CDC42BPG: variants seen among roughly 807,000 people sequenced by gnomAD.
CDC42BPG encodes the protein serine/threonine-protein kinase MRCK gamma.
In CDC42BPG, 157 loss-of-function variants were observed where a neutral mutation model predicts 192.2. That is an observed-to-expected ratio of 0.82 (90% confidence interval 0.72 to 0.93). The LOEUF is 0.93. Among genes scored for constraint, CDC42BPG ranks in the 40% least tolerant of loss-of-function variants. CDC42BPG has a pLI of 0.00. For missense variants in CDC42BPG, 1,992 were observed against 2,122.1 expected, an observed-to-expected ratio of 0.94 and a Z score of 1.20; for synonymous variants, 981 against 918.5, an observed-to-expected ratio of 1.07 and a Z score of -1.23.
chr11:64,836,705 C>CCGGCG lies in CDC42BPG; in HGVS notation c.1384+33_1384+34insCGCCG, dbSNP rs1192864769. The CCGGCG allele has an allele frequency of 1.4e-5, 5 of 353,522 alleles. 1 individual carries two copies. The African/African-American group carries it at 2.8e-4, about 20-fold the overall frequency. The allele number at this position is 353,522 out of a possible 1,614,324, so 21.9% of individuals were successfully genotyped here. ...ACCCGAGCCCAGGTGGGACTCAGCCCTGGGGGGGGGGGGGGGGTGGGCGGA... is the reference window on the plus strand; with the variant it reads ...ACCCGAGCCCAGGTGGGACTCAGCCCCGGCGTGGGGGGGGGGGGGGGGTGGGCGGA... On this transcript the variant is annotated intron_variant, in intron 11 of 36. Transcript: ENST00000342711.
chr11:64,835,010 C>T, intron 17 of CDC42BPG, 37 bp downstream of exon 17: 1 of 1,610,752 alleles, frequency 6.2e-7, no homozygotes, highest in Non-Finnish European at 8.5e-7. Context: ...CTCAGTCTCG[C>T]CTGCGTTCCC....
intron 1 of CDC42BPG, 50 bp from the exon 2 acceptor site, chr11:64,841,954 TCC>T: frequency 7.0e-7 from 1 of 1,434,008 alleles, no homozygotes; most frequent in Non-Finnish European, 9.6e-7. Flanking sequence ...AGGGCTCCAT[TCC>T]CCCTCTCACC....
intron 9 of CDC42BPG, 104 bp from the exon 10 acceptor site, chr11:64,837,123 C>A (rs917509325): frequency 3.4e-5 from 34 of 1,008,392 alleles, no homozygotes; most frequent in Middle Eastern, 4.8e-4. Flanking sequence ...ACAGCCAAAA[C>A]AGACCCTGCC....
chr11:64,827,573 G>A lies in CDC42BPG; in HGVS notation c.4104C>T (p.Tyr1368=). The A allele has an allele frequency of 4.3e-6, 7 of 1,612,418 alleles. No individual in the cohort carries two copies. Among genetic ancestry groups the A allele is most frequent in the East Asian group, 2.2e-5 (1 of 44,812 alleles). ...PLNPEGSLFL[Y]GTEKVRLTYL... Reference sequence around the variant, plus strand: ...AGGTCAGGCGGACCTTCTCGGTGCCGTAGAGGAACAGGGAGCCCTCTGGAT... The same window carrying A: ...AGGTCAGGCGGACCTTCTCGGTGCCATAGAGGAACAGGGAGCCCTCTGGAT... The change falls in exon 32 of 37, where the codon TAC becomes TAT. Residue 1368 remains tyrosine, a synonymous_variant. Transcript: ENST00000342711.
At position 64,844,548 on chromosome 11, in the gene CDC42BPG, G is replaced by T. The variant is rs896923456; in HGVS notation, c.22C>A (p.Leu8Met). 15 of 1,289,880 alleles carry T rather than the reference G, an allele frequency of 1.2e-5. No homozygotes were observed. Among genetic ancestry groups the T allele is most frequent in the Non-Finnish European group, 1.4e-5 (14 of 1,019,738 alleles). The allele number at this position is 1,289,880 out of a possible 1,614,324, so 79.9% of individuals were successfully genotyped here. The change falls in exon 1 of 37, where the codon CTG becomes ATG. Residue 8 changes from leucine to methionine, a missense_variant. By Grantham distance (15) the Leu-to-Met change is conservative. Around this residue, in one of 2 missense-constraint regions of CDC42BPG, gnomAD observed 1,656 missense variants for 1,844.3 expected, o/e 0.90. Coordinates refer to ENST00000342711, the MANE Select transcript of CDC42BPG (RefSeq NM_017525.3). MERRLRA[L>M]EQLARGEAGG... ...GCCTCGCCCCGCGCCAGCTGCTCCA[G>T]CGCGCGCAGCCGCCGCTCCATGGCT...
chr11:64,827,160 G>A lies in CDC42BPG; in HGVS notation c.4279C>T (p.Leu1427=), dbSNP rs1040672594. 3.1e-6 allele frequency: 5 copies of A among 1,613,882 alleles called. No homozygotes were observed. In the African/African-American group the frequency reaches 5.3e-5, roughly 17 times the overall value. ...EQQKQQRREM[L]KDPFVRSKLI... is the part of the protein sequence containing the mutation. ...TTGGAGCGCACAAAAGGGTCCTTCA[G>A]CATCTCCCTGTGGGCGGAGGTGTAA... is the stretch of plus-strand genomic sequence containing the variant. The change falls in exon 34 of 37, where the codon CTG becomes TTG. Residue 1427 remains leucine, a synonymous_variant. Coordinates refer to ENST00000342711, the MANE Select transcript of CDC42BPG (RefSeq NM_017525.3).
Position 64,836,757 on chromosome 11 carries a change from G to A in CDC42BPG, c.1366C>T (p.Leu456=). The A allele has an allele frequency of 2.7e-6, 4 of 1,467,310 alleles. No homozygotes were observed. In the East Asian group the frequency reaches 9.8e-5, roughly 36 times the overall value. The allele number at this position is 1,467,310 out of a possible 1,614,324, so 90.9% of individuals were successfully genotyped here. Residue 456 remains leucine (L), a synonymous_variant, in exon 11 of 37, where the codon CTG becomes TTG. Coordinates refer to ENST00000342711, the MANE Select transcript of CDC42BPG (RefSeq NM_017525.3). ...LEQLRKEVQT[L]RDRLPEMLRD... The stretch of plus-strand genomic sequence containing the variant: ...GGGATACCTGGCAGCCTGTCCCGCA[G>A]AGTCTGCACTTCCTTCCGTAGCTGC...
At chr11:64,830,493 G>A (rs760390773) in intron 28 of CDC42BPG, 20 of 593,586 alleles carry the variant, frequency 3.4e-5, no homozygotes, top group Non-Finnish European at 5.7e-5. Context: ...TCACCTCTCA[G>A]AGCCTTGGTT....
intron 9 of CDC42BPG, among the ~76,000 whole-genome samples, chr11:64,837,418 C>G (rs1187546354): frequency 6.6e-6 from 1 of 152,200 alleles, no homozygotes; most frequent in African/African-American, 2.4e-5. Flanking sequence ...CGCACCAGGA[C>G]CTCACTGCGG....
intron 30 of CDC42BPG, 80 bp downstream of exon 30, chr11:64,829,391 C>G (rs1942575986): frequency 6.5e-7 from 1 of 1,537,362 alleles, no homozygotes; most frequent in Admixed American, 2.1e-5. Context: ...ATGCCAGGCT[C>G]ATGAGTTGAG....
chr11:64,826,053 T>G (rs1592679041), intron 36 of CDC42BPG, among the ~76,000 whole-genome samples: 3 of 106,098 alleles, frequency 2.8e-5, no homozygotes, highest in Admixed American at 1.3e-4. Context: ...GGTGACAGAG[T>G]GAGACTCCAT....
Position 64,836,190 on chromosome 11 carries a change from C to T in CDC42BPG, c.1595G>A (p.Arg532Lys). Residue 532 changes from arginine (R) to lysine (K), a missense_variant, in exon 13 of 37, where the codon AGA becomes AAA. Physicochemically the swap from Arg to Lys is conservative, Grantham distance 26. Transcript: ENST00000342711. Reference sequence around the variant, plus strand: ...GGTCTGGCTAGCTGTGGCCGCCTCTCTCTCCTGGGCCTCCTGTAGCCTCTG... The same window carrying T: ...GGTCTGGCTAGCTGTGGCCGCCTCTTTCTCCTGGGCCTCCTGTAGCCTCTG... The part of the protein sequence containing the change: ...LLQRLQEAQE[R>K]EAATASQTRA... 1.9e-6 allele frequency: 3 copies of T among 1,597,092 alleles called. No homozygotes were observed. Among genetic ancestry groups the T allele is most frequent in the Non-Finnish European group, 2.6e-6 (3 of 1,173,678 alleles).
rs1943425438 is a variant in CDC42BPG, at chr11:64,844,633, C to G, written c.-64G>C. On this transcript the variant is annotated 5_prime_UTR_variant, in exon 1 of 37. Transcript: ENST00000342711. The stretch of plus-strand genomic sequence containing the variant: ...CCGCCCGCATGCCCGCCTGTCGGGC[C>G]GTCCGTCCGCCCAACCGTCTGAGGC... 3 of 1,192,662 alleles carry G rather than the reference C, an allele frequency of 2.5e-6. No individual in the cohort carries two copies. Among genetic ancestry groups the G allele is most frequent in the Admixed American group, 4.4e-5 (1 of 22,950 alleles). 73.9% of individuals were successfully genotyped at this position (1,192,662 alleles called of 1,614,324 possible). A position where few individuals can be genotyped will look rare whatever the true frequency, so the allele number is the denominator to read the frequency against.
In CDC42BPG at chr11:64,823,307, CA is replaced by C. The variant is rs1347785125; in HGVS notation, c.*1165del. The C allele has an allele frequency of 6.6e-6, 1 of 151,958 alleles. No individual in the cohort carries two copies. Among genetic ancestry groups the C allele is most frequent in the Non-Finnish European group, 1.5e-5 (1 of 67,994 alleles). The allele number at this position is 151,958 out of a possible 1,614,324, so 9.4% of individuals were successfully genotyped here. A position where few individuals can be genotyped will look rare whatever the true frequency, so the allele number is the denominator to read the frequency against. ...TTCACCGTGTTAGCCAGGATGGTCT[CA>C]ATCTCCTGACCTCGGGATCTGCCCG... is the stretch of plus-strand genomic sequence containing the variant. On this transcript the variant is annotated 3_prime_UTR_variant, in exon 37 of 37. Transcript: ENST00000342711.
At chr11:64,841,505 T>C in intron 3 of CDC42BPG, 145 bp downstream of exon 3, 1 of 674,174 alleles carries the variant, frequency 1.5e-6, no homozygotes, top group Admixed American at 2.4e-5. Context: ...GTGAGAAAGA[T>C]AACAAATCAG....
intron 26 of CDC42BPG, 43 bp downstream of exon 26, chr11:64,832,561 C>G: frequency 6.2e-7 from 1 of 1,613,980 alleles, no homozygotes; most frequent in Admixed American, 1.7e-5. Context: ...GACTGCCCCC[C>G]TTACCACTAG....
Position 64,823,220 on chromosome 11 carries a change from G to C in CDC42BPG, c.*1253C>G, listed in dbSNP as rs968877808. On this transcript the variant is annotated 3_prime_UTR_variant, in exon 37 of 37. Coordinates refer to ENST00000342711, the MANE Select transcript of CDC42BPG (RefSeq NM_017525.3). ...TCCTGCCTCAGCCTCCCGAGTAGCA[G>C]GGACTACAGGCACCCGTCACCACGC... Among the ~76,000 whole-genome samples the C allele has an allele frequency of 2.0e-5, 3 of 151,826 alleles. No individual in the cohort carries two copies. Among genetic ancestry groups the C allele is most frequent in the African/African-American group, 7.3e-5 (3 of 41,328 alleles).
chr11:64,839,708 T>C, intron 5 of CDC42BPG, 137 bp from the exon 6 acceptor site: 2 of 661,710 alleles, frequency 3.0e-6, no homozygotes, highest in South Asian at 1.8e-5. Context: ...GCTCATGTGA[T>C]GAGCAACGTG....
At chr11:64,829,349 T>A (rs1942574694) in intron 30 of CDC42BPG, 122 bp downstream of exon 30, 2 of 1,281,754 alleles carry the variant, frequency 1.6e-6, no homozygotes, top group Non-Finnish European at 2.1e-6. Flanking sequence ...GTTGTTGGGC[T>A]GGAGGATGCA....
Sources: gnomAD v4.1 joint callset for allele counts (sites outside exome capture counted in the v4.1 genomes callset) on GRCh38, gnomAD v4.1.1 for gene constraint, gnomAD v4.1.1 regional missense constraint, MANE v1.5 for transcripts, NCBI Gene and HGNC (gene_info 2026-07-23, HGNC 2026-07-21) for gene names.